RASGRF2: variants seen among roughly 807,000 people sequenced by gnomAD.
RASGRF2 encodes the protein ras-specific guanine nucleotide-releasing factor 2.
RASGRF2 carries 76 observed loss-of-function variants against 151.0 expected under a neutral mutation model. The observed-to-expected ratio is 0.50, with a 90% CI of 0.42 to 0.61. The LOEUF (loss-of-function observed/expected upper bound fraction) is 0.61, where lower values mean the gene tolerates loss of function less well. Ranked by LOEUF, RASGRF2 falls within the 20% of genes least tolerant of loss-of-function variation. The pLI, the probability that RASGRF2 is intolerant of heterozygous loss-of-function variation, is 0.00. For missense variants in RASGRF2, 1,148 were observed against 1,564.6 expected, an observed-to-expected ratio of 0.73 and a Z score of 4.49; for synonymous variants, 504 against 566.5, an observed-to-expected ratio of 0.89 and a Z score of 1.57.
intron 26 of RASGRF2, among the ~76,000 whole-genome samples, chr5:81,221,468 G>GCT (rs1755856019): frequency 6.6e-6 from 1 of 152,182 alleles, no homozygotes; most frequent in East Asian, 1.9e-4. Context: ...GCCATCGGGT[G>GCT]CTCTTTCAGT....
intron 18 of RASGRF2, among the ~76,000 whole-genome samples, chr5:81,192,969 A>T (rs1436481811): frequency 6.6e-6 from 1 of 152,162 alleles, no homozygotes; most frequent in Non-Finnish European, 1.5e-5. Context: ...TGAGCTCAAC[A>T]CATCCTGAGT....
chr5:81,182,880 A>G (rs1182993461), intron 18 of RASGRF2, among the ~76,000 whole-genome samples: 2 of 152,206 alleles, frequency 1.3e-5, no homozygotes, highest in African/African-American at 4.8e-5. Context: ...GGCAGCATAT[A>G]GCTATAGATG....
chr5:81,176,939 G>C (rs1212353134), intron 17 of RASGRF2, among the ~76,000 whole-genome samples: 1 of 151,960 alleles, frequency 6.6e-6, no homozygotes. Context: ...TTTTTTCCCT[G>C]TTACGTTCTT....
At chr5:81,109,428 G>A (rs1432201664) in intron 13 of RASGRF2, among the ~76,000 whole-genome samples, 1 of 152,204 alleles carries the variant, frequency 6.6e-6, no homozygotes, top group Non-Finnish European at 1.5e-5. Flanking sequence ...GGCCGAGGCG[G>A]GTGGATTACC....
At chr5:81,199,429 A>T (rs1314212416) in intron 18 of RASGRF2, among the ~76,000 whole-genome samples, 2 of 152,226 alleles carry the variant, frequency 1.3e-5, no homozygotes, top group Admixed American at 6.5e-5. Context: ...GGTAACTTTG[A>T]TCACTTGGGG....
In RASGRF2 at chr5:81,228,811, A is replaced by G. The variant is rs1264454246; in HGVS notation, c.*3041A>G. On this transcript the variant is annotated 3_prime_UTR_variant, in exon 27 of 27. Coordinates refer to ENST00000265080, the MANE Select transcript of RASGRF2 (RefSeq NM_006909.3). The stretch of plus-strand genomic sequence containing the variant: ...TTTTCCTTAGTGCTTTTCTGAAGGA[A>G]TTTAAAGACGGAATTTTAAACGGCC... 1 of 152,210 alleles carries G rather than the reference A, an allele frequency of 6.6e-6. No homozygotes were observed. The highest frequency in any genetic ancestry group is 1.5e-5 in the Non-Finnish European group (1 of 68,036). The allele number at this position is 152,210 out of a possible 1,614,324, so 9.4% of individuals were successfully genotyped here.
chr5:80,961,753 G>A (rs1747565277), intron 1 of RASGRF2, among the ~76,000 whole-genome samples: 1 of 152,082 alleles, frequency 6.6e-6, no homozygotes, highest in Admixed American at 6.6e-5. Flanking sequence ...TTAATTCTGG[G>A]TCATAATTTT....
intron 18 of RASGRF2, among the ~76,000 whole-genome samples, chr5:81,196,899 C>T (rs1321580062): frequency 6.6e-6 from 1 of 152,140 alleles, no homozygotes; most frequent in Non-Finnish European, 1.5e-5. Flanking sequence ...AAAGTGAGAG[C>T]ATTAACCGTT....
At chr5:81,021,363 A>G (rs1417473922) in intron 1 of RASGRF2, among the ~76,000 whole-genome samples, 3 of 4,030 alleles carry the variant, frequency 7.4e-4, no homozygotes, top group Non-Finnish European at 1.4e-3. Flanking sequence ...ATTTCTCCTT[A>G]AGACCTCCTC....
chr5:81,193,473 A>T (rs1355980570), intron 18 of RASGRF2, among the ~76,000 whole-genome samples: 2 of 151,950 alleles, frequency 1.3e-5, no homozygotes, highest in Non-Finnish European at 2.9e-5. Context: ...CCCTTCCCCA[A>T]GCCAGCAGCC....
chr5:81,158,461 T>C (rs1754311294), intron 17 of RASGRF2, among the ~76,000 whole-genome samples: 1 of 152,132 alleles, frequency 6.6e-6, no homozygotes, highest in African/African-American at 2.4e-5. Flanking sequence ...ACATTAGGCT[T>C]CATCAAAATT....
chr5:81,142,686 C>T (rs1457977159), intron 17 of RASGRF2, among the ~76,000 whole-genome samples: 2 of 152,174 alleles, frequency 1.3e-5, no homozygotes, highest in Non-Finnish European at 2.9e-5. Flanking sequence ...CTTGCTAGGA[C>T]AGGCTATGTG....
intron 5 of RASGRF2, among the ~76,000 whole-genome samples, chr5:81,076,669 T>C (rs1157722422): frequency 6.6e-6 from 1 of 151,172 alleles, no homozygotes; most frequent in African/African-American, 2.4e-5. Flanking sequence ...GATTAGTACA[T>C]GGACACTTCA....
At chr5:80,970,472 G>A (rs902734209) in intron 1 of RASGRF2, among the ~76,000 whole-genome samples, 3 of 152,090 alleles carry the variant, frequency 2.0e-5, no homozygotes, top group Admixed American at 6.5e-5. Context: ...GCTCTTCTTT[G>A]GATATTGCTG....
rs929034250 is a variant in RASGRF2 at position 80,999,104 on chromosome 5, CCT to C, written c.288+38079_288+38080del. Among the ~76,000 whole-genome samples, 106 of 152,138 alleles carry C rather than the reference CCT, an allele frequency of 7.0e-4. 1 individual carries two copies. The highest frequency in any genetic ancestry group is 2.3e-3 in the African/African-American group (96 of 41,490). On this transcript the variant is annotated intron_variant, in intron 1 of 26. Coordinates refer to ENST00000265080, the MANE Select transcript of RASGRF2 (RefSeq NM_006909.3). ...CCTAATCTGAGGGTGCCACTGGCTTCCTGTTGGGATTTTGACTGATGCAATGG... is the reference window on the plus strand; with the variant it reads ...CCTAATCTGAGGGTGCCACTGGCTTCGTTGGGATTTTGACTGATGCAATGG...
At chr5:81,100,778 G>A (rs901529533) in intron 12 of RASGRF2, among the ~76,000 whole-genome samples, 3 of 152,150 alleles carry the variant, frequency 2.0e-5, no homozygotes. Context: ...CACTGGACAT[G>A]CTTTCTCCCT....
At chr5:81,013,682 A>T (rs1310974612) in intron 1 of RASGRF2, among the ~76,000 whole-genome samples, 1 of 151,754 alleles carries the variant, frequency 6.6e-6, no homozygotes, top group Non-Finnish European at 1.5e-5. Flanking sequence ...TGTTGTATGT[A>T]TTATCCCAGA....
In RASGRF2 at chr5:81,127,099, C is replaced by T. The variant is rs750737686; in HGVS notation, c.2622C>T (p.Cys874=). The T allele has an allele frequency of 1.2e-6, 2 of 1,614,102 alleles. No individual in the cohort carries two copies. The highest frequency in any genetic ancestry group is 2.2e-5 in the East Asian group (1 of 44,888). ...GACAGACGGCGGACAATGCCCACTG[C>T]TCTGTTTCACCGGCTTCTGCTTTTG... The part of the protein sequence containing the change: ...PGGQTADNAH[C]SVSPASAFAI... Residue 874 remains cysteine (C), a synonymous_variant, in exon 17 of 27, where the codon TGC becomes TGT. Coordinates refer to ENST00000265080, the MANE Select transcript of RASGRF2 (RefSeq NM_006909.3).
intron 17 of RASGRF2, among the ~76,000 whole-genome samples, chr5:81,144,750 A>G (rs1753965187): frequency 6.6e-6 from 1 of 152,226 alleles, no homozygotes; most frequent in Non-Finnish European, 1.5e-5. Flanking sequence ...ATTGTGAAGT[A>G]GTTAATATTA....
Sources: allele counts gnomAD v4.1 joint callset (sites outside exome capture counted in the v4.1 genomes callset), GRCh38; gene constraint gnomAD v4.1.1; transcripts MANE v1.5; gene names NCBI Gene and HGNC (gene_info 2026-07-23, HGNC 2026-07-21).